Variants in UBE2Q2 observed in about 807,000 individuals in gnomAD.
The protein encoded by UBE2Q2 is ubiquitin-conjugating enzyme E2 Q2.
In UBE2Q2, 54 loss-of-function variants were observed where a neutral mutation model predicts 59.9. That is an observed-to-expected ratio of 0.90 (90% CI 0.72 to 1.13). The LOEUF is 1.13. Ranked by LOEUF, UBE2Q2 falls within the 50% of genes most tolerant of loss-of-function variation. The pLI is 0.00. For missense variants in UBE2Q2, 433 were observed against 441.9 expected (o/e 0.98, Z 0.18); for synonymous variants, 165 against 155.2 (o/e 1.06, Z -0.47).
At chr15:75,860,015 A>G (rs150385032) in intron 3 of UBE2Q2, 33 bp downstream of exon 3, 541 of 1,461,432 alleles carry the variant, frequency 3.7e-4, no homozygotes, top group Middle Eastern at 8.7e-4. Flanking sequence ...TTCAAGAGCT[A>G]AATAAATTGT....
chr15:75,871,402 T>TACGGGTGTCAGGCTGGGGG (rs1486511761), intron 4 of UBE2Q2, among the ~76,000 whole-genome samples: 1 of 152,212 alleles, frequency 6.6e-6, no homozygotes, highest in Non-Finnish European at 1.5e-5. Context: ...ACAGACCCTT[T>TACGGGTGTCAGGCTGGGGG]ACGGGTGTCA....
intron 4 of UBE2Q2, among the ~76,000 whole-genome samples, chr15:75,871,404 C>T (rs376830163): frequency 2.6e-5 from 4 of 152,318 alleles, no homozygotes; most frequent in South Asian, 4.1e-4. Context: ...AGACCCTTTA[C>T]GGGTGTCAGG....
At chr15:75,865,196 T>C (rs1375744141) in intron 3 of UBE2Q2, among the ~76,000 whole-genome samples, 1 of 152,246 alleles carries the variant, frequency 6.6e-6, no homozygotes, top group Non-Finnish European at 1.5e-5. Flanking sequence ...CACTCATCTT[T>C]CCTTACATTT....
At chr15:75,856,499 A>G (rs771806725) in intron 2 of UBE2Q2, among the ~76,000 whole-genome samples, 1 of 152,318 alleles carries the variant, frequency 6.6e-6, no homozygotes, top group African/African-American at 2.4e-5. Context: ...AGAATTTAGT[A>G]TAAGGTAAAG....
intron 11 of UBE2Q2, 92 bp downstream of exon 11, chr15:75,891,106 GAT>G (rs1233699485): frequency 1.0e-6 from 1 of 955,450 alleles, no homozygotes; most frequent in African/African-American, 1.6e-5. Flanking sequence ...TCTTTTTTGA[GAT>G]AGTTTCATTT....
chr15:75,871,471 G>T (rs916977974), intron 4 of UBE2Q2, among the ~76,000 whole-genome samples: 5 of 152,328 alleles, frequency 3.3e-5, no homozygotes, highest in Middle Eastern at 3.4e-3. Context: ...ACTATCACAT[G>T]GGGAGATACC....
intron 1 of UBE2Q2, among the ~76,000 whole-genome samples, chr15:75,849,608 AGACAGTTTTATGGTGGGGATG>A (rs1324117667): frequency 1.3e-5 from 2 of 152,228 alleles, no homozygotes; most frequent in African/African-American, 4.8e-5. Flanking sequence ...CCCTCCATTA[AGACAGTTTTATGGTGGGGATG>A]GTAGTGGTGA....
In UBE2Q2 at chr15:75,877,968, T is replaced by C; in HGVS notation, c.681T>C (p.Tyr227=). The C allele has an allele frequency of 6.2e-7, 1 of 1,613,626 alleles. No homozygotes were observed. The highest frequency in any genetic ancestry group is 8.5e-7 in the Non-Finnish European group (1 of 1,179,756). ...YRSQSYKTGI[Y]SVELINDSLY... ...TGCTCTATATCTTAACAGGGATTTA[T>C]TCAGTGGAACTCATAAATGACAGTT... Residue 227 remains tyrosine, a synonymous_variant, in exon 7 of 13, where the codon TAT becomes TAC. Transcript: ENST00000267938.
chr15:75,848,458 C>T (rs1200873055), intron 1 of UBE2Q2, among the ~76,000 whole-genome samples: 2 of 152,198 alleles, frequency 1.3e-5, no homozygotes. Context: ...TCAGAACTGT[C>T]ATGTTAAGCA....
chr15:75,899,367 G>A, intron 12 of UBE2Q2, 60 bp from the exon 13 acceptor site: 2 of 1,291,978 alleles, frequency 1.5e-6, no homozygotes, highest in South Asian at 2.8e-5. Flanking sequence ...CTTATTACAT[G>A]CCAGTTCTTC....
At chr15:75,889,639 G>A (rs1042652146) in intron 9 of UBE2Q2, among the ~76,000 whole-genome samples, 2 of 152,098 alleles carry the variant, frequency 1.3e-5, no homozygotes, top group Non-Finnish European at 2.9e-5. Flanking sequence ...TGGTGGACTT[G>A]GTGTCCACAC....
chr15:75,888,295 T>C (rs1229372064), intron 9 of UBE2Q2, among the ~76,000 whole-genome samples: 2 of 152,222 alleles, frequency 1.3e-5, no homozygotes, highest in Non-Finnish European at 2.9e-5. Flanking sequence ...ATCTAATTTT[T>C]ATCTCTGTAG....
At chr15:75,899,318 T>C in intron 12 of UBE2Q2, 109 bp from the exon 13 acceptor site, 1 of 473,080 alleles carries the variant, frequency 2.1e-6, no homozygotes, top group Non-Finnish European at 3.3e-6. Flanking sequence ...TTACGGTAGA[T>C]TTTAAACACC....
chr15:75,843,977 C>T (rs1348974195), intron 1 of UBE2Q2, 131 bp downstream of exon 1: 10 of 1,403,834 alleles, frequency 7.1e-6, no homozygotes, highest in Admixed American at 6.3e-5. Flanking sequence ...GCCCCTTTCC[C>T]CCGCGACTTG....
chr15:75,897,269 C>T lies in UBE2Q2; in HGVS notation c.1096+208C>T, dbSNP rs186883351. Among the ~76,000 whole-genome samples, 218 of 151,986 alleles carry T rather than the reference C, an allele frequency of 1.4e-3. 1 individual carries two copies. The highest frequency in any genetic ancestry group is 5.0e-3 in the African/African-American group (208 of 41,470). ...TTATTTGTTTTTTGAGACGGAGTCTCGCTCTGTCACCCCAGCTGGAGTGCA... is the reference window on the plus strand; with the variant it reads ...TTATTTGTTTTTTGAGACGGAGTCTTGCTCTGTCACCCCAGCTGGAGTGCA... On this transcript the variant is annotated intron_variant, in intron 12 of 12. Coordinates refer to ENST00000267938, the MANE Select transcript of UBE2Q2 (RefSeq NM_173469.4).
intron 5 of UBE2Q2, 122 bp from the exon 6 acceptor site, chr15:75,876,065 C>CAAAAAAAAAAA (rs33923600): frequency 1.9e-6 from 1 of 534,198 alleles, no homozygotes; most frequent in Non-Finnish European, 2.9e-6. Flanking sequence ...ACTCCATCTC[C>CAAAAAAAAAAA]AAAAAAAAAA....
At chr15:75,884,025 C>T (rs975385327) in intron 9 of UBE2Q2, among the ~76,000 whole-genome samples, 2 of 152,108 alleles carry the variant, frequency 1.3e-5, no homozygotes, top group African/African-American at 4.8e-5. Flanking sequence ...TCTCATGGAC[C>T]TATGGAACTG....
Position 75,856,292 on chromosome 15 carries a change from T to TAA in UBE2Q2, c.282+1806_282+1807dup, listed in dbSNP as rs34302954. Among the ~76,000 whole-genome samples the TAA allele has an allele frequency of 4.9e-5, 7 of 142,250 alleles. No homozygotes were observed. In the East Asian group the frequency reaches 6.0e-4, roughly 12 times the overall value. 93.3% of individuals were successfully genotyped at this position (142,250 alleles called of 152,430 possible). On this transcript the variant is annotated intron_variant, in intron 2 of 12. Transcript: ENST00000267938. ...GTGTATATATATATATATATATATA[T>TAA]AATGAATTTCAGTACAAATCCCAGC...
intron 12 of UBE2Q2, among the ~76,000 whole-genome samples, chr15:75,897,290 G>T (rs955005920): frequency 3.9e-5 from 6 of 151,942 alleles, no homozygotes; most frequent in African/African-American, 1.5e-4. Flanking sequence ...CCCAGCTGGA[G>T]TGCAGTGGCA....
Sources: allele counts gnomAD v4.1 joint callset (sites outside exome capture counted in the v4.1 genomes callset), GRCh38; gene constraint gnomAD v4.1.1; transcripts MANE v1.5; gene names NCBI Gene and HGNC (gene_info 2026-07-23, HGNC 2026-07-21).